TXLNB: variants seen among roughly 807,000 people sequenced by gnomAD.
The protein encoded by TXLNB is beta-taxilin.
TXLNB carries 37 observed loss-of-function variants against 57.4 expected under a neutral mutation model. The ratio of observed to expected loss-of-function variants is 0.64; its 90% CI spans 0.50 to 0.85. TXLNB has a LOEUF of 0.85. Among genes scored for constraint, TXLNB ranks in the 40% least tolerant of loss-of-function variants. The pLI is 0.00. For missense variants in TXLNB, 848 were observed against 825.6 expected (o/e 1.03, Z -0.33); for synonymous variants, 302 against 309.6 (o/e 0.98, Z 0.26).
intron 4 of TXLNB, among the ~76,000 whole-genome samples, chr6:139,267,380 C>A (rs1030195571): frequency 2.6e-5 from 4 of 152,018 alleles, no homozygotes; most frequent in African/African-American, 7.2e-5. Context: ...TATTTAGTTG[C>A]AGTGTTTCTA....
At chr6:139,295,399 A>G (rs11964802), upstream of TXLNB, among the ~76,000 whole-genome samples, 42,873 of 152,162 alleles carry the variant, frequency 0.28, 6,324 homozygotes, top group African/African-American at 0.35. Flanking sequence ...TGTAAAGAAT[A>G]CACTTATTTT....
At chr6:139,226,802 C>G in the TXLNB span, among the ~76,000 whole-genome samples, 1 of 150,538 alleles carries the variant, frequency 6.6e-6, no homozygotes, top group African/African-American at 2.4e-5. Flanking sequence ...CTGAGGCAGG[C>G]AGATCACTTA....
At chr6:139,300,407 CT>C in the TXLNB span, among the ~76,000 whole-genome samples, 3 of 152,180 alleles carry the variant, frequency 2.0e-5, no homozygotes, top group Non-Finnish European at 2.9e-5. Flanking sequence ...TGAGCAAATG[CT>C]TAGACTCCTG....
At chr6:139,310,309 G>T in the TXLNB span, among the ~76,000 whole-genome samples, 1 of 152,196 alleles carries the variant, frequency 6.6e-6, no homozygotes, top group African/African-American at 2.4e-5. Context: ...ATTTATAAAA[G>T]ATAGGCAATG....
the TXLNB span, among the ~76,000 whole-genome samples, chr6:139,224,385 CATGTAT>C: frequency 2.1e-4 from 32 of 150,806 alleles, no homozygotes; most frequent in African/African-American, 7.6e-4. Context: ...CAGCATGGCA[CATGTAT>C]ATGTATGTAA....
At chr6:139,201,488 T>G in the TXLNB span, among the ~76,000 whole-genome samples, 1 of 152,222 alleles carries the variant, frequency 6.6e-6, no homozygotes, top group Non-Finnish European at 1.5e-5. Context: ...TTATGTTGTT[T>G]TTTTTTTGTT....
chr6:139,184,752 G>A, the TXLNB span, among the ~76,000 whole-genome samples: 1 of 152,110 alleles, frequency 6.6e-6, no homozygotes, highest in Non-Finnish European at 1.5e-5. Flanking sequence ...AGTTCCTCTA[G>A]GTGTGTTTAA....
At chr6:139,265,944 A>C (rs1285480489) in intron 4 of TXLNB, among the ~76,000 whole-genome samples, 2 of 152,196 alleles carry the variant, frequency 1.3e-5, no homozygotes, top group African/African-American at 4.8e-5. Context: ...GAGTCAGAGA[A>C]ATAGAGCCCA....
the TXLNB span, among the ~76,000 whole-genome samples, chr6:139,309,141 G>A: frequency 6.6e-6 from 1 of 152,204 alleles, no homozygotes; most frequent in Non-Finnish European, 1.5e-5. Flanking sequence ...GGGCAGTGAT[G>A]ACTGTCCAGT....
At position 139,260,514 on chromosome 6, in the gene TXLNB, TA is replaced by T; in HGVS notation, c.883-78del. On this transcript the variant is annotated intron_variant, in intron 5 of 9. Transcript: ENST00000358430. Reference sequence around the variant, plus strand: ...AAATGCAAAGTAAAATAATTCACATTAATACACATTCCCCAGGTTTTAAGAT... The same window carrying T: ...AAATGCAAAGTAAAATAATTCACATTATACACATTCCCCAGGTTTTAAGAT... The T allele has an allele frequency of 2.8e-6, 4 of 1,446,996 alleles. No homozygotes were observed. In the South Asian group the frequency reaches 3.7e-5, roughly 13 times the overall value. 89.6% of individuals were successfully genotyped at this position (1,446,996 alleles called of 1,614,324 possible).
the TXLNB span, chr6:139,167,296 C>G: frequency 1.9e-6 from 3 of 1,601,762 alleles, no homozygotes; most frequent in South Asian, 3.3e-5. Flanking sequence ...ATGATGAGAT[C>G]GAATATGATG....
the TXLNB span, among the ~76,000 whole-genome samples, chr6:139,311,864 G>A: frequency 6.6e-6 from 1 of 152,110 alleles, no homozygotes; most frequent in Admixed American, 6.6e-5. Flanking sequence ...GAGCAGGGGG[G>A]CTAGGATGGC....
Position 139,262,758 on chromosome 6 carries a change from G to A in TXLNB, c.703C>T (p.Arg235Trp), listed in dbSNP as rs774248434. Residue 235 changes from arginine to tryptophan, a missense_variant, in exon 5 of 10, where the codon CGG becomes TGG. Physicochemically the swap from Arg to Trp is moderately radical, Grantham distance 101. Transcript: ENST00000358430. ...CTTTTCTCTTCTTCCTCACGTGCCC[G>A]CTGAAGCGCCTCTTCCTGCGGATAA... ...NKTLKEEALQ[R>W]AREEEEKRKE... is the part of the protein sequence containing the mutation. The A allele has an allele frequency of 2.0e-5, 33 of 1,612,826 alleles. No individual in the cohort carries two copies. In the East Asian group the frequency reaches 2.5e-4, roughly 12 times the overall value.
chr6:139,219,781 G>A, the TXLNB span, among the ~76,000 whole-genome samples: 2 of 152,108 alleles, frequency 1.3e-5, no homozygotes, highest in African/African-American at 4.8e-5. Context: ...AACCAAGTCA[G>A]CAAAAATCTA....
At chr6:139,318,097 G>A in the TXLNB span, among the ~76,000 whole-genome samples, 10 of 151,556 alleles carry the variant, frequency 6.6e-5, no homozygotes, top group African/African-American at 1.9e-4. Flanking sequence ...GTGAAACCCC[G>A]TCCCTACTAA....
At chr6:139,306,494 G>A in the TXLNB span, among the ~76,000 whole-genome samples, 1 of 152,204 alleles carries the variant, frequency 6.6e-6, no homozygotes, top group African/African-American at 2.4e-5. Context: ...GTTGAGGCAT[G>A]AAGACAGTTT....
At chr6:139,165,566 C>G in the TXLNB span, among the ~76,000 whole-genome samples, 2 of 151,658 alleles carry the variant, frequency 1.3e-5, no homozygotes, top group African/African-American at 4.8e-5. Context: ...GCTCATCCCC[C>G]ACCCCCTGTG....
At chr6:139,174,652 G>A in the TXLNB span, 43 of 1,454,910 alleles carry the variant, frequency 3.0e-5, no homozygotes, top group Non-Finnish European at 4.0e-5. Flanking sequence ...AGCAATGATG[G>A]CTGAGTTACT....
chr6:139,222,123 T>A, the TXLNB span, among the ~76,000 whole-genome samples: 1 of 152,094 alleles, frequency 6.6e-6, no homozygotes, highest in Admixed American at 6.5e-5. Flanking sequence ...TTTATACATA[T>A]GAATCAAAAT....
Sources: gnomAD v4.1 joint callset for allele counts (sites outside exome capture counted in the v4.1 genomes callset) on GRCh38, gnomAD v4.1.1 for gene constraint, MANE v1.5 for transcripts, NCBI Gene and HGNC (gene_info 2026-07-23, HGNC 2026-07-21) for gene names.